Variants in KANK1 observed in about 807,000 individuals in gnomAD.
The protein encoded by KANK1 is KN motif and ankyrin repeat domains 1.
Under a neutral mutation model 106.2 loss-of-function variants are expected in KANK1, and 109 were observed. The ratio of observed to expected loss-of-function variants is 1.03; its 90% CI spans 0.88 to 1.20. The LOEUF is 1.20. KANK1 is among the 50% of genes most tolerant of loss of function. The pLI, the probability that KANK1 is intolerant of heterozygous loss-of-function variation, is 0.00. For missense variants in KANK1, 2,399 were observed against 1,710.7 expected (o/e 1.40, Z -7.10); for synonymous variants, 873 against 652.2 (o/e 1.34, Z -5.16).
intron 1 of KANK1, among the ~76,000 whole-genome samples, chr9:568,412 A>G (rs956040154): frequency 6.6e-6 from 1 of 152,172 alleles, no homozygotes; most frequent in Non-Finnish European, 1.5e-5. Flanking sequence ...TACAGTAGTG[A>G]GGCAGTGGAT....
chr9:666,048 G>A (rs1436707053), intron 1 of KANK1, among the ~76,000 whole-genome samples: 1 of 152,042 alleles, frequency 6.6e-6, no homozygotes, highest in Non-Finnish European at 1.5e-5. Flanking sequence ...AGACGTGGTG[G>A]CATGTGCCTG....
At chr9:596,875 C>A (rs879439833) in intron 1 of KANK1, among the ~76,000 whole-genome samples, 1 of 151,772 alleles carries the variant, frequency 6.6e-6, no homozygotes, top group African/African-American at 2.4e-5. Context: ...AAGAAAACCC[C>A]GTACCCAGTA....
At chr9:650,295 T>C (rs1008977151) in intron 1 of KANK1, among the ~76,000 whole-genome samples, 3 of 152,212 alleles carry the variant, frequency 2.0e-5, no homozygotes. Flanking sequence ...TATTTAATTC[T>C]TGCAAAGTGA....
At chr9:663,371 T>G (rs993230809) in intron 1 of KANK1, among the ~76,000 whole-genome samples, 1 of 152,168 alleles carries the variant, frequency 6.6e-6, no homozygotes, top group Non-Finnish European at 1.5e-5. Flanking sequence ...ATTTATAAAG[T>G]CAAGGTTTAG....
At chr9:648,282 G>A (rs557172524) in intron 1 of KANK1, among the ~76,000 whole-genome samples, 21 of 151,986 alleles carry the variant, frequency 1.4e-4, no homozygotes, top group Middle Eastern at 3.4e-3. Flanking sequence ...GATTACAGGC[G>A]TGAGCCACCA....
At chr9:717,295 A>G (rs1419722752) in intron 3 of KANK1, among the ~76,000 whole-genome samples, 3 of 152,154 alleles carry the variant, frequency 2.0e-5, no homozygotes, top group African/African-American at 7.2e-5. Flanking sequence ...AAAAGAAAAG[A>G]AAAAGGAAAA....
At chr9:739,813 G>C (rs960201539) in intron 8 of KANK1, among the ~76,000 whole-genome samples, 2 of 152,148 alleles carry the variant, frequency 1.3e-5, no homozygotes, top group South Asian at 4.2e-4. Flanking sequence ...GGCTCCATAA[G>C]GTGTAGATCT....
chr9:617,243 A>G (rs546857357), intron 1 of KANK1, among the ~76,000 whole-genome samples: 1 of 152,248 alleles, frequency 6.6e-6, no homozygotes, highest in South Asian at 2.1e-4. Context: ...AGTTTCTTTA[A>G]CAATCTGTAT....
At position 703,699 on chromosome 9, in the gene KANK1, A is replaced by AT. The variant is rs879902985; in HGVS notation, c.38-7094dup. Among the ~76,000 whole-genome samples the AT allele has an allele frequency of 8.9e-3, 1,318 of 148,598 alleles. 20 individuals are homozygous for AT. The highest frequency in any genetic ancestry group is 0.019 in the South Asian group (90 of 4,696). ...AAGAGTCTCTTTATAACCCAGGTAG[A>AT]TTTTTTTTTTTAAACTGCTCTTTTT... On this transcript the variant is annotated intron_variant, in intron 2 of 11. Coordinates refer to ENST00000382297, the MANE Select transcript of KANK1 (RefSeq NM_015158.5).
At chr9:615,896 C>G (rs1207659575) in intron 1 of KANK1, among the ~76,000 whole-genome samples, 2 of 152,186 alleles carry the variant, frequency 1.3e-5, no homozygotes, top group East Asian at 1.9e-4. Context: ...ACTTCTGGTC[C>G]TTGGTATGCC....
chr9:725,167 G>A (rs1830339907), intron 3 of KANK1, among the ~76,000 whole-genome samples: 1 of 152,140 alleles, frequency 6.6e-6, no homozygotes, highest in Admixed American at 6.5e-5. Flanking sequence ...CACCGAATTA[G>A]GAAATGTGAG....
intron 3 of KANK1, among the ~76,000 whole-genome samples, chr9:499,397 C>A (rs2132437975): frequency 6.6e-6 from 1 of 152,228 alleles, no homozygotes; most frequent in Non-Finnish European, 1.5e-5. Flanking sequence ...AGAATATTGT[C>A]CAGCAATAAA....
chr9:668,800 G>A (rs1218470358), intron 1 of KANK1, among the ~76,000 whole-genome samples: 2 of 152,168 alleles, frequency 1.3e-5, no homozygotes, highest in African/African-American at 4.8e-5. Flanking sequence ...AGATCAGGCA[G>A]TGGGGATGGT....
chr9:536,079 T>C (rs2060284104), intron 1 of KANK1, among the ~76,000 whole-genome samples: 1 of 151,920 alleles, frequency 6.6e-6, no homozygotes, highest in Non-Finnish European at 1.5e-5. Context: ...GGCTCACATC[T>C]GTAATCCCAG....
chr9:593,287 A>C (rs138167113), intron 1 of KANK1, among the ~76,000 whole-genome samples: 1 of 151,916 alleles, frequency 6.6e-6, no homozygotes, highest in Admixed American at 6.5e-5. Context: ...GACAAAAGTC[A>C]GATGTGCCCA....
chr9:716,139 A>G (rs757664729), intron 3 of KANK1, among the ~76,000 whole-genome samples: 6 of 152,252 alleles, frequency 3.9e-5, no homozygotes, highest in Non-Finnish European at 7.3e-5. Flanking sequence ...ATGATCACTT[A>G]TATGAACCTA....
chr9:473,437 T>C (rs994260374), intron 3 of KANK1, among the ~76,000 whole-genome samples: 1 of 152,162 alleles, frequency 6.6e-6, no homozygotes, highest in South Asian at 2.1e-4. Flanking sequence ...AGAGAAATGA[T>C]AACCAGGTGA....
intron 10 of KANK1, among the ~76,000 whole-genome samples, chr9:743,498 G>A (rs936138614): frequency 2.0e-5 from 3 of 152,146 alleles, no homozygotes; most frequent in African/African-American, 7.2e-5. Context: ...GCTTTTGAGG[G>A]GAAGGATCAT....
At chr9:723,489 A>C (rs1296761929) in intron 3 of KANK1, among the ~76,000 whole-genome samples, 1 of 146,216 alleles carries the variant, frequency 6.8e-6, no homozygotes, top group African/African-American at 2.8e-5. Context: ...CATGATCACA[A>C]GCACCTGGGT....
Sources: gnomAD v4.1 joint callset for allele counts (sites outside exome capture counted in the v4.1 genomes callset) on GRCh38, gnomAD v4.1.1 for gene constraint, MANE v1.5 for transcripts, NCBI Gene and HGNC (gene_info 2026-07-23, HGNC 2026-07-21) for gene names.